The following TRHR variants were observed in gnomAD, a reference collection of about 807,000 sequenced individuals.
TRHR encodes thyrotropin releasing hormone receptor, also known as thyrotropin-releasing hormone receptor.
A neutral mutation model predicts 28.0 loss-of-function variants in TRHR; 14 were observed. That is an observed-to-expected ratio of 0.50 (90% confidence interval 0.33 to 0.78). TRHR has a LOEUF of 0.78. TRHR is among the 30% of genes least tolerant of loss of function. The pLI is 0.02. For synonymous variants in TRHR, 176 were observed against 171.9 expected (o/e 1.02, Z -0.18); for missense variants, 438 against 469.5 (o/e 0.93, Z 0.62).
chr8:109,096,031 T>C (rs1364465721), intron 2 of TRHR, among the ~76,000 whole-genome samples: 1 of 152,068 alleles, frequency 6.6e-6, no homozygotes, highest in Admixed American at 6.6e-5. Flanking sequence ...CACTAAAGGA[T>C]CTCTCTAACA....
Position 109,087,542 on chromosome 8 carries a change from C to A in TRHR, c.30C>A (p.Asn10Lys), listed in dbSNP as rs5774. 213 of 1,614,228 alleles carry A rather than the reference C, an allele frequency of 1.3e-4. No homozygotes were observed. The highest frequency in any genetic ancestry group is 3.3e-4 in the Middle Eastern group (2 of 6,062). Residue 10 changes from asparagine to lysine, a missense_variant, in exon 2 of 3, where the codon AAC becomes AAA. Coordinates refer to ENST00000518632, the MANE Select transcript of TRHR (RefSeq NM_003301.7). ...AAAACGAGACAGTCAGTGAACTGAACCAAACACAGCTTCAGCCACGAGCAG... is the reference window on the plus strand; with the variant it reads ...AAAACGAGACAGTCAGTGAACTGAAACAAACACAGCTTCAGCCACGAGCAG... MENETVSEL[N>K]QTQLQPRAVV...
chr8:109,119,145 T>G lies in TRHR; in HGVS notation c.887T>G (p.Phe296Cys). Reference protein sequence around the residue: ...VVVNSFLSSPFQENWFLLFCR... With the variant: ...VVVNSFLSSPCQENWFLLFCR... ...GTCAACTCATTTCTCTCCAGTCCTT[T>G]CCAAGAAAATTGGTTTTTGCTCTTT... Residue 296 changes from phenylalanine (F) to cysteine (C), a missense_variant, in exon 3 of 3, where the codon TTC becomes TGC. Coordinates refer to ENST00000518632, the MANE Select transcript of TRHR (RefSeq NM_003301.7). 6.2e-7 allele frequency: 1 copy of G among 1,612,884 alleles called. No homozygotes were observed. Among genetic ancestry groups the G allele is most frequent in the Non-Finnish European group, 8.5e-7 (1 of 1,179,252 alleles).
chr8:109,098,085 C>T (rs1379300085), intron 2 of TRHR, among the ~76,000 whole-genome samples: 2 of 151,904 alleles, frequency 1.3e-5, no homozygotes, highest in African/African-American at 4.8e-5. Flanking sequence ...GATCTCCTGC[C>T]TTGCCACATG....
intron 2 of TRHR, among the ~76,000 whole-genome samples, chr8:109,116,110 A>G (rs544727524): frequency 2.0e-5 from 3 of 152,180 alleles, no homozygotes; most frequent in Non-Finnish European, 2.9e-5. Context: ...ACATTTATTG[A>G]TTTGCGTATG....
chr8:109,106,256 C>A (rs1424798237), intron 2 of TRHR, among the ~76,000 whole-genome samples: 3 of 152,098 alleles, frequency 2.0e-5, no homozygotes, highest in East Asian at 1.9e-4. Flanking sequence ...CCTTCTACAA[C>A]TTCATGAGTG....
intron 2 of TRHR, among the ~76,000 whole-genome samples, chr8:109,101,258 G>A (rs920259868): frequency 2.6e-5 from 4 of 152,128 alleles, no homozygotes; most frequent in Admixed American, 1.3e-4. Flanking sequence ...GGAAGAAAAT[G>A]ATACATTTGG....
intron 2 of TRHR, among the ~76,000 whole-genome samples, chr8:109,103,492 G>C (rs1303113537): frequency 6.6e-6 from 1 of 151,960 alleles, no homozygotes; most frequent in Non-Finnish European, 1.5e-5. Flanking sequence ...CTTGACTCTT[G>C]TTGTTCATGT....
chr8:109,094,670 A>G (rs927860880), intron 2 of TRHR, among the ~76,000 whole-genome samples: 2 of 151,852 alleles, frequency 1.3e-5, no homozygotes, highest in African/African-American at 4.8e-5. Context: ...GTGCTTTTAG[A>G]TAAGTACACA....
chr8:109,099,502 G>C (rs2129896438), intron 2 of TRHR, among the ~76,000 whole-genome samples: 1 of 152,324 alleles, frequency 6.6e-6, no homozygotes, highest in South Asian at 2.1e-4. Flanking sequence ...TAAATTAAAA[G>C]AGTAAGTGGA....
chr8:109,087,323 A>G (rs980649086), intron 1 of TRHR, 102 bp from the exon 2 acceptor site: 2 of 667,772 alleles, frequency 3.0e-6, no homozygotes, highest in Admixed American at 2.3e-5. Flanking sequence ...ATTCCCATAG[A>G]AAAATGGGAA....
At chr8:109,106,112 C>G (rs1811747487) in intron 2 of TRHR, among the ~76,000 whole-genome samples, 2 of 151,910 alleles carry the variant, frequency 1.3e-5, no homozygotes, top group African/African-American at 4.8e-5. Flanking sequence ...GCTAGTGCAT[C>G]CCCTGCCTTC....
At chr8:109,096,325 C>G (rs979093283) in intron 2 of TRHR, among the ~76,000 whole-genome samples, 2 of 152,202 alleles carry the variant, frequency 1.3e-5, no homozygotes, top group Non-Finnish European at 2.9e-5. Flanking sequence ...CTGAATTTCT[C>G]AGGTAGATTT....
chr8:109,098,320 C>T (rs558328501), intron 2 of TRHR, among the ~76,000 whole-genome samples: 45 of 151,554 alleles, frequency 3.0e-4, no homozygotes, highest in South Asian at 2.5e-3. Context: ...TGTATAAAGA[C>T]GAGGTCTCAC....
At chr8:109,107,154 C>T (rs796779862) in intron 2 of TRHR, among the ~76,000 whole-genome samples, 7 of 152,194 alleles carry the variant, frequency 4.6e-5, no homozygotes, top group East Asian at 1.9e-4. Flanking sequence ...ATAAAGTCCC[C>T]GGTTCTGTGT....
chr8:109,089,382 A>C (rs560043926), intron 2 of TRHR, among the ~76,000 whole-genome samples: 1 of 98,670 alleles, frequency 1.0e-5, no homozygotes, highest in Admixed American at 9.5e-5. Flanking sequence ...TTTGTAAAAA[A>C]GTATACATAT....
At chr8:109,106,296 C>G (rs551978372) in intron 2 of TRHR, among the ~76,000 whole-genome samples, 1 of 152,206 alleles carries the variant, frequency 6.6e-6, no homozygotes, top group African/African-American at 2.4e-5. Flanking sequence ...TTGAATATGA[C>G]AGCTGACAGA....
At chr8:109,098,277 G>A (rs1811625686) in intron 2 of TRHR, among the ~76,000 whole-genome samples, 1 of 151,774 alleles carries the variant, frequency 6.6e-6, no homozygotes, top group Admixed American at 6.6e-5. Context: ...CTACAGGCGT[G>A]TGCTACCATG....
At chr8:109,102,911 T>G (rs1275872300) in intron 2 of TRHR, among the ~76,000 whole-genome samples, 1 of 152,192 alleles carries the variant, frequency 6.6e-6, no homozygotes, top group Non-Finnish European at 1.5e-5. Context: ...AGTAGCTAGC[T>G]GGCATGGTCC....
intron 2 of TRHR, among the ~76,000 whole-genome samples, chr8:109,115,102 C>G (rs138131898): frequency 6.6e-6 from 1 of 152,012 alleles, no homozygotes; most frequent in Admixed American, 6.6e-5. Context: ...ACACCCTATA[C>G]GCTACTCTGA....
Sources: gnomAD v4.1 joint callset for allele counts (sites outside exome capture counted in the v4.1 genomes callset) on GRCh38, gnomAD v4.1.1 for gene constraint, MANE v1.5 for transcripts, NCBI Gene and HGNC (gene_info 2026-07-23, HGNC 2026-07-21) for gene names.